The following MYRFL variants were observed in gnomAD, a reference collection of about 807,000 sequenced individuals.
MYRFL encodes myelin regulatory factor like.
In MYRFL, 88 loss-of-function variants were observed where a neutral mutation model predicts 109.4. That is an observed-to-expected ratio of 0.80 (90% CI 0.68 to 0.96). MYRFL has a LOEUF of 0.96. MYRFL is among the 40% of genes least tolerant of loss of function. MYRFL has a pLI of 0.00. For missense variants in MYRFL, 957 were observed against 954.9 expected (o/e 1.00, Z -0.03); for synonymous variants, 324 against 320.9 (o/e 1.01, Z -0.10).
chr12:69,942,268 C>T (rs1271242613), intron 19 of MYRFL, among the ~76,000 whole-genome samples: 6 of 141,740 alleles, frequency 4.2e-5, no homozygotes, highest in Non-Finnish European at 6.1e-5. Flanking sequence ...TTGATGAACA[C>T]TGATGCAAAA....
rs912541183 is a variant in MYRFL, at chr12:69,958,523, T to C, written c.2725T>C (p.Cys909Arg). The C allele has an allele frequency of 2.9e-5, 45 of 1,532,370 alleles. No homozygotes were observed. The highest frequency in any genetic ancestry group is 3.8e-5 in the Non-Finnish European group (44 of 1,145,744). The allele number at this position is 1,532,370 out of a possible 1,614,324, so 94.9% of individuals were successfully genotyped here. A position where few individuals can be genotyped will look rare whatever the true frequency, so the allele number is the denominator to read the frequency against. Residue 909 changes from cysteine to arginine, a missense_variant, in exon 25 of 25, where the codon TGT becomes CGT. Cys to Arg is a radical substitution (Grantham distance 180). Transcript: ENST00000552032. ...TDYFFYFYRR[C>R]A ...TTACTTCTTTTACTTCTATCGACGC[T>C]GTGCCTAATTTGTTCAAGTTTGGGG...
rs1290416363 is a variant in MYRFL, at chr12:69,860,841, T to C, written c.137+5471T>C. ...TGCCATGCTGGTGTGCTGCCCCCAT[T>C]AACTCATCATTTAGCATTAGGTATA... On this transcript the variant is annotated intron_variant, in intron 2 of 24. Coordinates refer to ENST00000552032, the MANE Select transcript of MYRFL (RefSeq NM_182530.3). Among the ~76,000 whole-genome samples the C allele has an allele frequency of 5.4e-3, 796 of 146,536 alleles. 8 individuals carry two copies. The highest frequency in any genetic ancestry group is 0.019 in the African/African-American group (760 of 39,892).
Position 69,936,595 on chromosome 12 carries a change from A to G in MYRFL, c.2187A>G (p.Gln729=). The G allele has an allele frequency of 6.5e-7, 1 of 1,533,792 alleles. No homozygotes were observed. Among genetic ancestry groups the G allele is most frequent in the Non-Finnish European group, 8.7e-7 (1 of 1,145,304 alleles). Residue 729 remains glutamine, a synonymous_variant, in exon 19 of 25, where the codon CAA becomes CAG. Coordinates refer to ENST00000552032, the MANE Select transcript of MYRFL (RefSeq NM_182530.3). ...TCTCTTCAAGTCCTGTGCAAAGACA[A>G]TCTGAGGAGAAGGAATTCCATCAGA... ...KEVSSSPVQR[Q]SEEKEFHQRR...
chr12:69,929,555 G>T (rs1263573385), intron 15 of MYRFL, among the ~76,000 whole-genome samples: 1 of 152,230 alleles, frequency 6.6e-6, no homozygotes, highest in African/African-American at 2.4e-5. Context: ...GAAGGATTAG[G>T]TGGGAGTTGT....
rs755168741 is a variant in MYRFL, at chr12:69,825,413, A to AT, written c.-100dup. On this transcript the variant is annotated 5_prime_UTR_variant, in exon 1 of 25. The change abolishes the stop of an existing upstream ORF in the 5' untranslated region. Transcript: ENST00000552032. ...TCACTCCAATAAAAAGAAAATGAAG[A>AT]TTTTTCAAGAGCATTCGTAGGCTTC... 6 of 690,644 alleles carry AT rather than the reference A, an allele frequency of 8.7e-6. No homozygotes were observed. The highest frequency in any genetic ancestry group is 2.3e-4 in the Middle Eastern group (1 of 4,294). The allele number at this position is 690,644 out of a possible 1,614,324, so 42.8% of individuals were successfully genotyped here.
chr12:69,898,131 G>A (rs1036034458), intron 10 of MYRFL, among the ~76,000 whole-genome samples: 3 of 152,346 alleles, frequency 2.0e-5, no homozygotes, highest in African/African-American at 7.2e-5. Flanking sequence ...GCCTGCCCAT[G>A]TATGTGGCTG....
chr12:69,929,708 G>C (rs962557044), intron 15 of MYRFL, among the ~76,000 whole-genome samples: 2 of 152,238 alleles, frequency 1.3e-5, no homozygotes, highest in Non-Finnish European at 2.9e-5. Context: ...CTGTGGTTAA[G>C]AGCATAGATT....
intron 14 of MYRFL, 150 bp from the exon 15 acceptor site, chr12:69,927,535 G>T: frequency 1.8e-6 from 1 of 561,524 alleles, no homozygotes; most frequent in Non-Finnish European, 3.1e-6. Context: ...TTCACAAAAG[G>T]AACTCTCCAT....
chr12:69,908,472 C>G (rs1435804616), intron 11 of MYRFL, among the ~76,000 whole-genome samples: 1 of 152,118 alleles, frequency 6.6e-6, no homozygotes, highest in East Asian at 1.9e-4. Context: ...GCTTTTGAGT[C>G]TGGGAAAACA....
chr12:69,912,688 A>T (rs1592815630), intron 13 of MYRFL, among the ~76,000 whole-genome samples: 1 of 152,100 alleles, frequency 6.6e-6, no homozygotes, highest in Admixed American at 6.5e-5. Context: ...CACATTTTGC[A>T]TATCCATTCC....
chr12:69,844,596 G>A (rs943203734), intron 1 of MYRFL, among the ~76,000 whole-genome samples: 4 of 152,176 alleles, frequency 2.6e-5, no homozygotes, highest in African/African-American at 9.7e-5. Flanking sequence ...GCACGGGGCG[G>A]TCGTGAGAGC....
intron 10 of MYRFL, among the ~76,000 whole-genome samples, chr12:69,899,824 T>C (rs1037814520): frequency 6.6e-6 from 1 of 152,170 alleles, no homozygotes; most frequent in Admixed American, 6.5e-5. Context: ...TTTAGAAGTA[T>C]ATTATGGTCC....
At chr12:69,832,130 C>T (rs764352563) in intron 1 of MYRFL, among the ~76,000 whole-genome samples, 8 of 152,038 alleles carry the variant, frequency 5.3e-5, no homozygotes, top group Non-Finnish European at 7.4e-5. Flanking sequence ...GTTTCAGCAA[C>T]GATTAGATAT....
intron 2 of MYRFL, among the ~76,000 whole-genome samples, chr12:69,860,412 T>C (rs1884573340): frequency 6.6e-6 from 1 of 152,150 alleles, no homozygotes; most frequent in African/African-American, 2.4e-5. Flanking sequence ...TCTCTTTTGA[T>C]TAGTGTTTTT....
At position 69,952,855 on chromosome 12, in the gene MYRFL, C is replaced by A. The variant is rs540428184; in HGVS notation, c.2344C>A (p.His782Asn). Residue 782 changes from histidine (H) to asparagine (N), a missense_variant, in exon 21 of 25, where the codon CAT becomes AAT. By Grantham distance (68) the His-to-Asn change is moderately conservative. Transcript: ENST00000552032. ...QIMEIQQIID[H>N]QYCIQSLQCG... ...TATGGAAATCCAGCAAATAATAGAT[C>A]ATCAGTATTGCATTCAAAGCCTCCA... 1.3e-6 allele frequency: 2 copies of A among 1,535,588 alleles called. No homozygotes were observed. The highest frequency in any genetic ancestry group is 1.7e-4 in the Middle Eastern group (1 of 5,990).
intron 2 of MYRFL, among the ~76,000 whole-genome samples, chr12:69,867,823 T>C (rs1488404468): frequency 6.6e-6 from 1 of 152,116 alleles, no homozygotes; most frequent in Non-Finnish European, 1.5e-5. Flanking sequence ...TTGAGTTCAG[T>C]GACTGGTTTG....
intron 16 of MYRFL, 190 bp from the exon 17 acceptor site, chr12:69,935,923 C>T: frequency 1.5e-6 from 1 of 653,522 alleles, no homozygotes; most frequent in Non-Finnish European, 2.5e-6. Flanking sequence ...CTTTTTCTCT[C>T]CAGGGCAGAA....
At chr12:69,892,190 G>A (rs1369806542) in intron 7 of MYRFL, among the ~76,000 whole-genome samples, 1 of 152,072 alleles carries the variant, frequency 6.6e-6, no homozygotes, top group East Asian at 1.9e-4. Flanking sequence ...AAGCCAAGGA[G>A]CCACTAATTT....
intron 11 of MYRFL, among the ~76,000 whole-genome samples, chr12:69,905,539 C>A (rs940812945): frequency 6.6e-6 from 1 of 152,138 alleles, no homozygotes; most frequent in Non-Finnish European, 1.5e-5. Flanking sequence ...TGGCAACCAC[C>A]AGCCCAGGAA....
Sources: allele counts gnomAD v4.1 joint callset (sites outside exome capture counted in the v4.1 genomes callset), GRCh38; gene constraint gnomAD v4.1.1; transcripts MANE v1.5; gene names NCBI Gene and HGNC (gene_info 2026-07-23, HGNC 2026-07-21).